Variants in LMOD1 observed in about 807,000 individuals in gnomAD.
The protein encoded by LMOD1 is leiomodin-1.
LMOD1 carries 8 observed loss-of-function variants against 36.5 expected under a neutral mutation model. The observed-to-expected ratio is 0.22, with a 90% CI of 0.13 to 0.40. The LOEUF (loss-of-function observed/expected upper bound fraction) is 0.40, where lower values mean the gene tolerates loss of function less well. Ranked by LOEUF, LMOD1 falls within the 10% of genes least tolerant of loss-of-function variation. The pLI is 1.00. For synonymous variants in LMOD1, 284 were observed against 288.7 expected (o/e 0.98, Z 0.17); for missense variants, 630 against 751.1 (o/e 0.84, Z 1.88).
At position 201,907,220 on chromosome 1, in the gene LMOD1, C is replaced by G. The variant is rs117411062; in HGVS notation, c.262-6469G>C. 7.1e-3 allele frequency among the ~76,000 whole-genome samples: 1,088 copies of G among 152,362 alleles called. 34 individuals carry two copies. The highest frequency in any genetic ancestry group is 0.052 in the Admixed American group (801 of 15,308). On this transcript the variant is annotated intron_variant, in intron 1 of 2. Coordinates refer to ENST00000367288, the MANE Select transcript of LMOD1 (RefSeq NM_012134.3). ...ATCCCAGCTCTGCCCCTAACTAGCT[C>G]TGTGACCTTGGCTGAGACACTTAGC...
chr1:201,900,688 T>C lies in LMOD1; in HGVS notation c.325A>G (p.Ser109Gly). Residue 109 changes from serine (S) to glycine (G), a missense_variant, in exon 2 of 3, where the codon AGC (serine) becomes GGC (glycine). Coordinates refer to ENST00000367288, the MANE Select transcript of LMOD1 (RefSeq NM_012134.3). ...CGTCTGGGGCCCAGGGCTTTTTTGC[T>C]GGCATCTCTGCCCCTTTCCTCTCCA... ...KNGEERGRDASKKALGPRRDS... is the reference protein window; with the variant it reads ...KNGEERGRDAGKKALGPRRDS... 1 of 1,613,910 alleles carries C rather than the reference T, an allele frequency of 6.2e-7. No homozygotes were observed. Among genetic ancestry groups the C allele is most frequent in the Non-Finnish European group, 8.5e-7 (1 of 1,179,874 alleles).
At chr1:201,936,767 T>C (rs1377822710) in intron 1 of LMOD1, among the ~76,000 whole-genome samples, 1 of 151,810 alleles carries the variant, frequency 6.6e-6, no homozygotes, top group East Asian at 1.9e-4. Flanking sequence ...TGAAACCCCC[T>C]CCCTGCTGAA....
chr1:201,939,898 C>T (rs1682085043), intron 1 of LMOD1, among the ~76,000 whole-genome samples: 1 of 152,126 alleles, frequency 6.6e-6, no homozygotes, highest in Non-Finnish European at 1.5e-5. Flanking sequence ...ACTCTAAAGT[C>T]TCCTGGGGGA....
chr1:201,902,768 C>T (rs1204152931), intron 1 of LMOD1, among the ~76,000 whole-genome samples: 1 of 152,128 alleles, frequency 6.6e-6, no homozygotes, highest in Non-Finnish European at 1.5e-5. Flanking sequence ...TTATACACAG[C>T]ATAAGCCACC....
chr1:201,939,874 G>T (rs1451703255), intron 1 of LMOD1, among the ~76,000 whole-genome samples: 1 of 151,938 alleles, frequency 6.6e-6, no homozygotes, highest in African/African-American at 2.4e-5. Flanking sequence ...ATGCTGACAC[G>T]GTCTGACAAA....
At chr1:201,917,673 A>C (rs1681633795) in intron 1 of LMOD1, among the ~76,000 whole-genome samples, 1 of 152,202 alleles carries the variant, frequency 6.6e-6, no homozygotes, top group Non-Finnish European at 1.5e-5. Flanking sequence ...TGCTCTCTGA[A>C]GTGCCTGGCT....
intron 1 of LMOD1, among the ~76,000 whole-genome samples, chr1:201,901,625 TG>T (rs1681321133): frequency 1.2e-4 from 2 of 16,134 alleles, no homozygotes; most frequent in South Asian, 2.9e-3. Flanking sequence ...TATATATGTG[TG>T]TGTGTATATA....
At chr1:201,925,574 G>A (rs764862368) in intron 1 of LMOD1, among the ~76,000 whole-genome samples, 1 of 151,888 alleles carries the variant, frequency 6.6e-6, no homozygotes, top group Non-Finnish European at 1.5e-5. Flanking sequence ...AATGTTTTTA[G>A]GGTAGGGCCC....
At chr1:201,902,189 C>T (rs1382801658) in intron 1 of LMOD1, among the ~76,000 whole-genome samples, 6 of 151,468 alleles carry the variant, frequency 4.0e-5, no homozygotes, top group African/African-American at 1.5e-4. Context: ...AAAGAATATA[C>T]CTTAACAGCA....
At chr1:201,901,968 T>G (rs990954011) in intron 1 of LMOD1, among the ~76,000 whole-genome samples, 6 of 44,634 alleles carry the variant, frequency 1.3e-4, no homozygotes, top group African/African-American at 7.3e-4. Flanking sequence ...TTATTATTAT[T>G]TTTTTTTTTT....
intron 1 of LMOD1, among the ~76,000 whole-genome samples, chr1:201,933,319 C>T (rs548367509): frequency 6.6e-6 from 1 of 151,238 alleles, no homozygotes; most frequent in East Asian, 2.0e-4. Context: ...GAGGCTGAGG[C>T]AGGAGAATCG....
intron 1 of LMOD1, among the ~76,000 whole-genome samples, chr1:201,933,666 A>C (rs1474687104): frequency 6.8e-6 from 1 of 146,194 alleles, no homozygotes; most frequent in African/African-American, 2.5e-5. Flanking sequence ...GATAGGGGCT[A>C]TCTTTGGAGA....
chr1:201,916,252 G>T (rs1295128551), intron 1 of LMOD1, among the ~76,000 whole-genome samples: 2 of 152,092 alleles, frequency 1.3e-5, no homozygotes, highest in African/African-American at 2.4e-5. Flanking sequence ...TACAACAAAG[G>T]CACATCTATT....
chr1:201,941,627 G>C (rs911313057), intron 1 of LMOD1, among the ~76,000 whole-genome samples: 2 of 152,224 alleles, frequency 1.3e-5, no homozygotes, highest in Non-Finnish European at 2.9e-5. Context: ...CGCCGGCCTC[G>C]GGCCTTCCCG....
intron 1 of LMOD1, among the ~76,000 whole-genome samples, chr1:201,926,795 T>C (rs1681832627): frequency 6.6e-6 from 1 of 151,914 alleles, no homozygotes; most frequent in Non-Finnish European, 1.5e-5. Flanking sequence ...GGAGGGAGGA[T>C]TGCTTGAGTC....
intron 1 of LMOD1, among the ~76,000 whole-genome samples, chr1:201,914,378 A>G (rs1681565007): frequency 6.6e-6 from 1 of 152,176 alleles, no homozygotes; most frequent in Admixed American, 6.5e-5. Context: ...CAACATGGAC[A>G]GGTTAATTTG....
At chr1:201,901,536 A>ATATATATATACATATATATATGTG (rs1558234623) in intron 1 of LMOD1, among the ~76,000 whole-genome samples, 1 of 44,588 alleles carries the variant, frequency 2.2e-5, no homozygotes, top group African/African-American at 9.6e-5. Context: ...ATATGTATAT[A>ATATATATATACATATATATATGTG]TATATATATA....
chr1:201,909,709 C>T (rs1180348349), intron 1 of LMOD1, among the ~76,000 whole-genome samples: 4 of 152,332 alleles, frequency 2.6e-5, no homozygotes, highest in South Asian at 4.1e-4. Flanking sequence ...AGTAGCTAAC[C>T]GTGGTGAGTG....
intron 1 of LMOD1, among the ~76,000 whole-genome samples, chr1:201,904,959 G>A (rs1013107901): frequency 6.6e-6 from 1 of 152,148 alleles, no homozygotes; most frequent in African/African-American, 2.4e-5. Context: ...AGAATTGATG[G>A]TACATCCCGG....
Sources: allele counts gnomAD v4.1 joint callset (sites outside exome capture counted in the v4.1 genomes callset), GRCh38; gene constraint gnomAD v4.1.1; transcripts MANE v1.5; gene names NCBI Gene and HGNC (gene_info 2026-07-23, HGNC 2026-07-21).